The following SEMA3A variants were observed in gnomAD, a reference collection of about 807,000 sequenced individuals.
SEMA3A encodes the protein semaphorin-3A.
A neutral mutation model predicts 97.9 loss-of-function variants in SEMA3A; 29 were observed. The observed-to-expected ratio is 0.30, with a 90% CI of 0.22 to 0.40. SEMA3A has a LOEUF of 0.40. Among genes scored for constraint, SEMA3A ranks in the 10% least tolerant of loss-of-function variants. The pLI, the probability that SEMA3A is intolerant of heterozygous loss-of-function variation, is 1.00. For synonymous variants in SEMA3A, 321 were observed against 323.7 expected, an observed-to-expected ratio of 0.99 and a Z score of 0.09; for missense variants, 763 against 951.3, an observed-to-expected ratio of 0.80 and a Z score of 2.60.
chr7:84,111,426 C>T (rs1795273415), intron 3 of SEMA3A, among the ~76,000 whole-genome samples: 1 of 151,354 alleles, frequency 6.6e-6, no homozygotes, highest in African/African-American at 2.4e-5. Flanking sequence ...TATTTGAGTA[C>T]ATTTCCAAAT....
intron 6 of SEMA3A, among the ~76,000 whole-genome samples, chr7:84,015,877 A>C (rs1791078918): frequency 6.6e-6 from 1 of 152,210 alleles, no homozygotes; most frequent in African/African-American, 2.4e-5. Flanking sequence ...GAAACATGAA[A>C]TATTACCTGT....
At chr7:84,067,452 C>G (rs1043764825) in intron 4 of SEMA3A, among the ~76,000 whole-genome samples, 9 of 151,688 alleles carry the variant, frequency 5.9e-5, no homozygotes, top group African/African-American at 1.7e-4. Context: ...AGCTTCTGCA[C>G]AGCAAAAGAA....
At chr7:84,091,212 GAAAAGAAAA>G (rs1354420275) in intron 4 of SEMA3A, among the ~76,000 whole-genome samples, 7 of 61,902 alleles carry the variant, frequency 1.1e-4, no homozygotes, top group African/African-American at 3.1e-4. Flanking sequence ...AAGAAAGAAA[GAAAAGAAAA>G]GAAAGAAAAG....
intron 1 of SEMA3A, among the ~76,000 whole-genome samples, chr7:84,136,735 A>G (rs1796135634): frequency 1.3e-5 from 2 of 152,044 alleles, no homozygotes; most frequent in Admixed American, 6.6e-5. Flanking sequence ...TTTTTTTTTC[A>G]TATTACCTGG....
At position 84,421,114 on chromosome 7, in the gene SEMA3A, C is replaced by A. The variant is rs369220802; in HGVS notation, c.-245-49214G>T. On this transcript the variant is annotated intron_variant, in intron 1 of 3. Coordinates refer to the SEMA3A transcript ENST00000424555. ...TTTTAGATCTTTCTAAAACCGAATT[C>A]TCTAGATGAGAATTTTGAAAGCAGC... Among the ~76,000 whole-genome samples the A allele has an allele frequency of 6.9e-4, 104 of 151,822 alleles. 1 individual carries two copies. Among genetic ancestry groups the A allele is most frequent in the African/African-American group, 2.3e-3 (96 of 41,394 alleles).
At chr7:84,463,495 A>G (rs534847976) in intron 1 of SEMA3A, among the ~76,000 whole-genome samples, 40 of 151,896 alleles carry the variant, frequency 2.6e-4, no homozygotes, top group East Asian at 1.6e-3. Flanking sequence ...TGATCCGCCC[A>G]CCTTGGCCTC....
chr7:84,379,138 A>G (rs1234535), intron 1 of SEMA3A, among the ~76,000 whole-genome samples: 27,708 of 151,982 alleles, frequency 0.18, 2,643 homozygotes, highest in Middle Eastern at 0.23. Flanking sequence ...CGTGTTAGCC[A>G]GGATAGTCTC....
intron 6 of SEMA3A, among the ~76,000 whole-genome samples, chr7:84,036,393 T>TA: frequency 6.6e-6 from 1 of 152,212 alleles, no homozygotes; most frequent in East Asian, 1.9e-4. Flanking sequence ...TATTTGCATT[T>TA]AAAAAAATGG....
At chr7:84,307,732 A>G (rs1197659078) in intron 2 of SEMA3A, among the ~76,000 whole-genome samples, 1 of 152,196 alleles carries the variant, frequency 6.6e-6, no homozygotes, top group East Asian at 1.9e-4. Flanking sequence ...CACTGTTAGT[A>G]AGTAACCGGA....
chr7:84,453,239 C>CTTT (rs774894152), intron 1 of SEMA3A, among the ~76,000 whole-genome samples: 3 of 128,952 alleles, frequency 2.3e-5, no homozygotes, highest in Non-Finnish European at 1.6e-5. Context: ...GACTTTGTTT[C>CTTT]TTTTTTTTTT....
rs74922866 is a variant in SEMA3A, at chr7:84,287,724, A to G, written c.-83+19483T>C. Among the ~76,000 whole-genome samples, 937 of 152,238 alleles carry G rather than the reference A, an allele frequency of 6.2e-3. 44 individuals carry two copies. The East Asian group carries it at 0.12, about 19-fold the overall frequency. ...GCACCACCAGTATTCTGTTCAGTGTACCATTGTGTAGACCAGCCACGCCAA... is the reference window on the plus strand; with the variant it reads ...GCACCACCAGTATTCTGTTCAGTGTGCCATTGTGTAGACCAGCCACGCCAA... On this transcript the variant is annotated intron_variant, in intron 3 of 3. Coordinates refer to the SEMA3A transcript ENST00000424555.
chr7:84,060,608 T>C (rs927485862), intron 4 of SEMA3A, 50 bp from the exon 5 acceptor site: 29 of 1,255,122 alleles, frequency 2.3e-5, no homozygotes, highest in South Asian at 7.9e-5. Context: ...TATATAAAAA[T>C]GAGTGTTTTC....
chr7:84,033,437 A>T (rs75903799), intron 6 of SEMA3A, among the ~76,000 whole-genome samples: 6,268 of 152,238 alleles, frequency 0.041, 143 homozygotes, highest in Middle Eastern at 0.086. Context: ...AATCCAACAT[A>T]GCTGTTCAAA....
chr7:84,299,305 TCTCC>T (rs1562891957), intron 3 of SEMA3A, among the ~76,000 whole-genome samples: 3 of 66,736 alleles, frequency 4.5e-5, no homozygotes, highest in Non-Finnish European at 7.0e-5. Flanking sequence ...CATATATATA[TCTCC>T]ATATATATAT....
chr7:84,336,855 G>GA (rs1272304070), intron 2 of SEMA3A, among the ~76,000 whole-genome samples: 1 of 152,038 alleles, frequency 6.6e-6, no homozygotes, highest in African/African-American at 2.4e-5. Context: ...GTTGAAGTAT[G>GA]AAAAAATTAT....
In SEMA3A at chr7:83,959,272, A is replaced by C. The variant is rs1788378656; in HGVS notation, c.*2099T>G. ...TATTTCTGCTATCGCAAATAAATTTATTTCAGCTGCAAATTTAGAATGAAA... is the reference window on the plus strand; with the variant it reads ...TATTTCTGCTATCGCAAATAAATTTCTTTCAGCTGCAAATTTAGAATGAAA... On this transcript the variant is annotated 3_prime_UTR_variant, in exon 17 of 17. Coordinates refer to ENST00000265362, the MANE Select transcript of SEMA3A (RefSeq NM_006080.3). 6.6e-6 allele frequency: 1 copy of C among 152,168 alleles called. No individual in the cohort carries two copies. The highest frequency in any genetic ancestry group is 6.5e-5 in the Admixed American group (1 of 15,270). 9.4% of individuals were successfully genotyped at this position (152,168 alleles called of 1,614,324 possible). A position where few individuals can be genotyped will look rare whatever the true frequency, so the allele number is the denominator to read the frequency against.
chr7:84,463,800 C>T (rs878965546), intron 1 of SEMA3A, among the ~76,000 whole-genome samples: 3 of 152,056 alleles, frequency 2.0e-5, no homozygotes, highest in Admixed American at 6.6e-5. Flanking sequence ...TTTCCTCCCT[C>T]TTTCCCTTCC....
intron 6 of SEMA3A, among the ~76,000 whole-genome samples, chr7:84,028,805 G>A (rs1217318093): frequency 3.3e-5 from 5 of 152,110 alleles, no homozygotes; most frequent in Non-Finnish European, 5.9e-5. Flanking sequence ...ATTTTTAGTA[G>A]AGACGGGGTT....
intron 12 of SEMA3A, among the ~76,000 whole-genome samples, chr7:83,995,382 A>G (rs541887891): frequency 2.0e-5 from 3 of 152,238 alleles, no homozygotes; most frequent in African/African-American, 4.8e-5. Context: ...GAAACATAAA[A>G]GAAACCCTAG....
Sources: gnomAD v4.1 joint callset for allele counts (sites outside exome capture counted in the v4.1 genomes callset) on GRCh38, gnomAD v4.1.1 for gene constraint, MANE v1.5 for transcripts, NCBI Gene and HGNC (gene_info 2026-07-23, HGNC 2026-07-21) for gene names.